GRAMD4: variants seen among roughly 807,000 people sequenced by gnomAD.
GRAMD4 encodes the protein GRAM domain containing 4.
GRAMD4 carries 25 observed loss-of-function variants against 83.9 expected under a neutral mutation model. The observed-to-expected ratio is 0.30, with a 90% confidence interval of 0.22 to 0.42. The LOEUF is 0.42. Ranked by LOEUF, GRAMD4 falls within the 10% of genes least tolerant of loss-of-function variation. GRAMD4 has a pLI of 1.00. For synonymous variants in GRAMD4, 336 were observed against 320.9 expected (o/e 1.05, Z -0.50); for missense variants, 593 against 788.7 (o/e 0.75, Z 2.97).
rs1382986483 is a variant in GRAMD4, at chr22:46,620,458, C to G, written c.-157C>G. On this transcript the variant is annotated 5_prime_UTR_variant, in exon 1 of 19. Coordinates refer to ENST00000406902, the MANE Select transcript of GRAMD4 (RefSeq NM_015124.5). The surrounding 1 kb of genome is among the most constrained non-coding windows in gnomAD (Gnocchi z 4.7). Reference sequence around the variant, plus strand: ...CTCCGTGCCTGCTGGTGTTGGGCGGCTTGGAGGCTATGGTTCCTGGGTCCT... The same window carrying G: ...CTCCGTGCCTGCTGGTGTTGGGCGGGTTGGAGGCTATGGTTCCTGGGTCCT... The G allele has an allele frequency of 5.1e-6, 5 of 985,162 alleles. No homozygotes were observed. Among genetic ancestry groups the G allele is most frequent in the Non-Finnish European group, 6.0e-6 (5 of 829,820 alleles). The allele number at this position is 985,162 out of a possible 1,614,324, so 61.0% of individuals were successfully genotyped here. A position where few individuals can be genotyped will look rare whatever the true frequency, so the allele number is the denominator to read the frequency against.
chr22:46,617,502 T>C (rs990040566), upstream of GRAMD4, among the ~76,000 whole-genome samples: 3 of 151,790 alleles, frequency 2.0e-5, no homozygotes, highest in Non-Finnish European at 4.4e-5. Flanking sequence ...GGTTTCCCCG[T>C]GTGTAGGTTC....
At chr22:46,609,347 G>C (rs1230369986) in intron 1 of GRAMD4, among the ~76,000 whole-genome samples, 1 of 152,228 alleles carries the variant, frequency 6.6e-6, no homozygotes, top group Admixed American at 6.5e-5. Context: ...GGGTAGCCCT[G>C]TGTTGGGCTT....
Position 46,678,510 on chromosome 22 carries a change from G to T in GRAMD4, c.*1259G>T. The T allele has an allele frequency of 1.0e-6, 1 of 985,386 alleles. No homozygotes were observed. The highest frequency in any genetic ancestry group is 1.2e-6 in the Non-Finnish European group (1 of 829,930). 61.0% of individuals were successfully genotyped at this position (985,386 alleles called of 1,614,324 possible). ...GGGGCCGCCTGCGCTGGGCTGAAGG[G>T]AGGGAAAGGCGGCTTGGGCCTCCTG... On this transcript the variant is annotated 3_prime_UTR_variant, in exon 19 of 19. Coordinates refer to ENST00000406902, the MANE Select transcript of GRAMD4 (RefSeq NM_015124.5).
intron 4 of GRAMD4, 113 bp from the exon 5 acceptor site, chr22:46,661,268 G>C: frequency 1.3e-6 from 1 of 765,832 alleles, no homozygotes; most frequent in Non-Finnish European, 2.3e-6. Flanking sequence ...GAGCCCTGCT[G>C]TCCCTGACCT....
chr22:46,671,369 C>A (rs1322819767), intron 13 of GRAMD4, among the ~76,000 whole-genome samples: 1 of 152,176 alleles, frequency 6.6e-6, no homozygotes, highest in Admixed American at 6.5e-5. Context: ...ATGGTGAAAC[C>A]CCGTCTCTAC....
chr22:46,583,747 GT>G (rs1269431945), intron 1 of GRAMD4, among the ~76,000 whole-genome samples: 17 of 152,178 alleles, frequency 1.1e-4, no homozygotes, highest in African/African-American at 3.9e-4. Flanking sequence ...TACCTTCGAT[GT>G]GGCCCGCGGC....
Position 46,622,091 on chromosome 22 carries a change from C to A in GRAMD4, c.-50+1526C>A, listed in dbSNP as rs1445637089. Among the ~76,000 whole-genome samples the A allele has an allele frequency of 1.3e-5, 2 of 152,182 alleles. No individual in the cohort carries two copies. The highest frequency in any genetic ancestry group is 4.8e-5 in the African/African-American group (2 of 41,442). ...CTGGACACTGGCGGGGCACGCATTG[C>A]ATTCTGATGGTGACAGGCGGGACAC... is the stretch of plus-strand genomic sequence containing the variant. On this transcript the variant is annotated intron_variant, in intron 1 of 18. Transcript: ENST00000406902. The surrounding 1 kb of genome is among the most constrained non-coding windows in gnomAD (Gnocchi z 4.0).
At position 46,672,780 on chromosome 22, in the gene GRAMD4, C is replaced by T. The variant is rs1024315330; in HGVS notation, c.1085-63C>T. On this transcript the variant is annotated intron_variant, in intron 13 of 18. Transcript: ENST00000406902. The surrounding 1 kb of genome is among the most constrained non-coding windows in gnomAD (Gnocchi z 4.7). ...GAGGTGGGAGGTGCCGGAACCATCA[C>T]CCTGAGTAGACTGGCATAGCTGCAG... 2.3e-5 allele frequency: 32 copies of T among 1,377,822 alleles called. No homozygotes were observed. Among genetic ancestry groups the T allele is most frequent in the African/African-American group, 1.7e-4 (12 of 70,180 alleles). The allele number at this position is 1,377,822 out of a possible 1,614,324, so 85.3% of individuals were successfully genotyped here.
Position 46,668,999 on chromosome 22 carries a change from G to A in GRAMD4, c.1084+91G>A, listed in dbSNP as rs935951703. 2.0e-5 allele frequency: 15 copies of A among 740,072 alleles called. No individual in the cohort carries two copies. In the Middle Eastern group the frequency reaches 3.1e-3, roughly 155 times the overall value. The allele number at this position is 740,072 out of a possible 1,614,324, so 45.8% of individuals were successfully genotyped here. A position where few individuals can be genotyped will look rare whatever the true frequency, so the allele number is the denominator to read the frequency against. On this transcript the variant is annotated intron_variant, in intron 13 of 18. Transcript: ENST00000406902. ...TGTCTGCCAGGTGTCTGCAAGAGCT[G>A]TTAAACTCACCTGGCGATCCTTCCT...
intron 3 of GRAMD4, among the ~76,000 whole-genome samples, chr22:46,655,283 G>C (rs1433793101): frequency 6.6e-6 from 1 of 152,096 alleles, no homozygotes; most frequent in Non-Finnish European, 1.5e-5. Flanking sequence ...GGTGGGTGGG[G>C]GCCTCGGGAG....
At chr22:46,658,405 C>A in intron 4 of GRAMD4, 98 bp downstream of exon 4, 1 of 1,197,830 alleles carries the variant, frequency 8.3e-7, no homozygotes, top group South Asian at 1.5e-5. Context: ...AGCGTCTTGG[C>A]AGCATCATTC....
intron 1 of GRAMD4, among the ~76,000 whole-genome samples, chr22:46,585,252 G>A (rs1267451807): frequency 1.3e-5 from 2 of 150,494 alleles, no homozygotes; most frequent in Non-Finnish European, 2.9e-5. Flanking sequence ...GTGCAATGGC[G>A]TGATCGTGGC....
At chr22:46,626,591 G>A (rs1378244587) in intron 1 of GRAMD4, among the ~76,000 whole-genome samples, 160 bp from the exon 2 acceptor site, 2 of 146,258 alleles carry the variant, frequency 1.4e-5, no homozygotes, top group African/African-American at 2.8e-5. Context: ...GAGCTGGCTC[G>A]TGGGGCTTGG....
intron 17 of GRAMD4, 82 bp from the exon 18 acceptor site, chr22:46,676,518 G>A: frequency 8.0e-7 from 1 of 1,251,014 alleles, no homozygotes; most frequent in Non-Finnish European, 1.1e-6. Flanking sequence ...CCCAGTGGAG[G>A]AGGATGCCCT....
chr22:46,612,668 G>A (rs2081429576), intron 1 of GRAMD4, among the ~76,000 whole-genome samples: 3 of 152,230 alleles, frequency 2.0e-5, no homozygotes, highest in Non-Finnish European at 4.4e-5. Context: ...CCTGGAAACC[G>A]AGGGTTAGGA....
chr22:46,645,258 T>C (rs1170238793), intron 3 of GRAMD4, among the ~76,000 whole-genome samples: 5 of 152,136 alleles, frequency 3.3e-5, no homozygotes, highest in Non-Finnish European at 5.9e-5. Flanking sequence ...ACCTGTGCCT[T>C]GTCCCATTCT....
intron 1 of GRAMD4, chr22:46,587,910 T>C: frequency 1.0e-6 from 1 of 985,186 alleles, no homozygotes; most frequent in Non-Finnish European, 1.2e-6. Context: ...GGGCTCCTGA[T>C]CCTCCCCGTC....
chr22:46,577,130 C>T (rs1222233074), exon 1 of GRAMD4: 3 of 225,876 alleles, frequency 1.3e-5, no homozygotes, highest in African/African-American at 2.4e-5. Flanking sequence ...CTGGCGCCGC[C>T]GCCGCCTCCG....
intron 2 of GRAMD4, among the ~76,000 whole-genome samples, chr22:46,633,051 A>G (rs1018228729): frequency 1.1e-4 from 16 of 152,170 alleles, no homozygotes; most frequent in African/African-American, 3.6e-4. Flanking sequence ...GCAGAGGCAG[A>G]TGGGAGCCTC....
Sources: gnomAD v4.1 joint callset for allele counts (sites outside exome capture counted in the v4.1 genomes callset) on GRCh38, gnomAD v4.1.1 for gene constraint, Gnocchi (gnomAD v3.1) non-coding constraint, MANE v1.5 for transcripts, NCBI Gene and HGNC (gene_info 2026-07-23, HGNC 2026-07-21) for gene names.